DMD: variants seen among roughly 807,000 people sequenced by gnomAD.
DMD encodes the protein mutant dystrophin.
DMD carries 63 observed loss-of-function variants against 330.1 expected under a neutral mutation model. That is an observed-to-expected ratio of 0.19 (90% CI 0.16 to 0.24). The LOEUF (loss-of-function observed/expected upper bound fraction) is 0.24. DMD is among the 10% of genes least tolerant of loss of function. The probability of loss-of-function intolerance (pLI) is 1.00; values close to 1 mark genes in which losing one functional copy is unlikely to be tolerated. For synonymous variants in DMD, 1,223 were observed against 959.8 expected, an observed-to-expected ratio of 1.27 and a Z score of -5.07; for missense variants, 3,344 against 2,684.1, an observed-to-expected ratio of 1.25 and a Z score of -5.43.
rs10522014 is a variant in DMD, at chrX:32,753,304, A to G, written c.650-54011T>C. ...ATGCTGGTATTCCTCAAAAGACAATATATTCCAAGACATGAGCCTTTTCTT... is the reference window on the plus strand; with the variant it reads ...ATGCTGGTATTCCTCAAAAGACAATGTATTCCAAGACATGAGCCTTTTCTT... On this transcript the variant is annotated intron_variant, in intron 7 of 78. Transcript: ENST00000357033. Among the ~76,000 whole-genome samples the G allele has an allele frequency of 8.7e-3, 975 of 112,377 alleles. 7 individuals are homozygous for G. The highest frequency in any genetic ancestry group is 0.023 in the African/African-American group (697 of 30,955).
chrX:32,787,008 A>T (rs1296576203), intron 7 of DMD, among the ~76,000 whole-genome samples: 1 of 111,765 alleles, frequency 8.9e-6, no homozygotes, highest in Non-Finnish European at 1.9e-5. Flanking sequence ...TTTTTCTGAG[A>T]GTCTGGGAAC....
At chrX:31,218,836 G>A (rs1278831056) in intron 64 of DMD, among the ~76,000 whole-genome samples, 1 of 111,102 alleles carries the variant, frequency 9.0e-6, no homozygotes, top group African/African-American at 3.3e-5. Flanking sequence ...CTGAAGACCT[G>A]GCAGCCAGGG....
At chrX:31,476,397 G>GTGTATATATATA (rs796082098) in intron 59 of DMD, among the ~76,000 whole-genome samples, 56 of 88,309 alleles carry the variant, frequency 6.3e-4, no homozygotes, top group African/African-American at 2.3e-3. Context: ...GTGTGTGTGT[G>GTGTATATATATA]TATATATATA....
At chrX:32,308,108 T>C (rs2097547425) in intron 42 of DMD, among the ~76,000 whole-genome samples, 1 of 110,690 alleles carries the variant, frequency 9.0e-6, no homozygotes, top group Admixed American at 9.7e-5. Flanking sequence ...TATATGTTTG[T>C]GTTTATCTGC....
intron 51 of DMD, among the ~76,000 whole-genome samples, chrX:31,764,353 T>A (rs1263011838): frequency 8.9e-6 from 1 of 111,790 alleles, no homozygotes; most frequent in Admixed American, 9.6e-5. Flanking sequence ...AGTGGCAGGC[T>A]AATTTTTATG....
chrX:31,862,084 C>A (rs928583714), intron 48 of DMD, among the ~76,000 whole-genome samples: 2 of 110,021 alleles, frequency 1.8e-5, no homozygotes, highest in African/African-American at 6.6e-5. Flanking sequence ...GATTTCAATG[C>A]TTTTGAATTT....
chrX:31,834,345 A>T (rs1466280035), intron 49 of DMD, among the ~76,000 whole-genome samples: 1 of 111,795 alleles, frequency 8.9e-6, no homozygotes, highest in Non-Finnish European at 1.9e-5. Flanking sequence ...GATGTTTCCA[A>T]GGTCATGGTC....
chrX:32,852,936 A>C (rs1228174037), intron 2 of DMD, among the ~76,000 whole-genome samples: 1 of 111,890 alleles, frequency 8.9e-6, no homozygotes, highest in Non-Finnish European at 1.9e-5. Flanking sequence ...CTAGATGGCA[A>C]GCATCAAAAG....
intron 1 of DMD, among the ~76,000 whole-genome samples, chrX:33,042,354 T>A (rs2094315664): frequency 8.9e-6 from 1 of 112,082 alleles, no homozygotes; most frequent in African/African-American, 3.2e-5. Flanking sequence ...TCATTTCAAG[T>A]TTCATTGATA....
intron 64 of DMD, among the ~76,000 whole-genome samples, chrX:31,222,392 CA>C (rs57227723): frequency 3.3e-3 from 69 of 20,618 alleles, no homozygotes; most frequent in East Asian, 5.9e-3. Context: ...GACTCCATCT[CA>C]AAAAAAAAAA....
chrX:32,073,704 AAGAGAAT>A (rs2147818847), intron 44 of DMD, among the ~76,000 whole-genome samples: 1 of 111,903 alleles, frequency 8.9e-6, no homozygotes, highest in South Asian at 3.7e-4. Flanking sequence ...CTTAATAGAT[AAGAGAAT>A]AGAATTAGTT....
intron 7 of DMD, 119 bp downstream of exon 7, chrX:32,809,374 T>C (rs905879362): frequency 1.7e-6 from 1 of 592,106 alleles, no homozygotes; most frequent in Admixed American, 2.3e-5. Context: ...TAAATATATC[T>C]ACAGTATTGG....
intron 2 of DMD, among the ~76,000 whole-genome samples, chrX:33,007,089 C>A (rs1478709463): frequency 9.0e-6 from 1 of 111,081 alleles, no homozygotes; most frequent in Non-Finnish European, 1.9e-5. Flanking sequence ...TAACTCATCT[C>A]TCTACTTCTA....
chrX:31,248,353 C>T (rs946320624), intron 63 of DMD, among the ~76,000 whole-genome samples: 2 of 111,767 alleles, frequency 1.8e-5, no homozygotes, highest in African/African-American at 3.3e-5. Flanking sequence ...AGCATAAACA[C>T]CTGTAAACGT....
chrX:32,223,139 G>T (rs1456484981), intron 43 of DMD, among the ~76,000 whole-genome samples: 1 of 111,653 alleles, frequency 9.0e-6, no homozygotes, highest in Non-Finnish European at 1.9e-5. Flanking sequence ...GCCTGAGACT[G>T]GGTAATTTAC....
intron 45 of DMD, among the ~76,000 whole-genome samples, chrX:31,944,175 A>C (rs1403991621): frequency 9.0e-6 from 1 of 111,237 alleles, no homozygotes; most frequent in Non-Finnish European, 1.9e-5. Flanking sequence ...TGTGAGGTCC[A>C]AATTATTTTC....
intron 52 of DMD, among the ~76,000 whole-genome samples, chrX:31,687,383 C>T (rs2148787907): frequency 9.0e-6 from 1 of 111,309 alleles, no homozygotes; most frequent in East Asian, 2.8e-4. Context: ...TGAGTCCTGG[C>T]CTAGGTTCTT....
intron 2 of DMD, among the ~76,000 whole-genome samples, chrX:32,895,128 A>T (rs897231957): frequency 1.8e-5 from 2 of 111,892 alleles, no homozygotes; most frequent in African/African-American, 6.5e-5. Context: ...CCCCACCTGC[A>T]TGTGCTTATC....
chrX:33,259,314 C>T (rs2052911665), intron 1 of DMD, among the ~76,000 whole-genome samples: 2 of 110,087 alleles, frequency 1.8e-5, no homozygotes, highest in African/African-American at 6.6e-5. Flanking sequence ...GATGAGCCTA[C>T]ATTGATACAA....
Sources: gnomAD v4.1 joint callset for allele counts (sites outside exome capture counted in the v4.1 genomes callset) on GRCh38, gnomAD v4.1.1 for gene constraint, MANE v1.5 for transcripts, NCBI Gene and HGNC (gene_info 2026-07-23, HGNC 2026-07-21) for gene names.